Variants in NTM observed in about 807,000 individuals in gnomAD.
NTM encodes the protein IgLON family member 2.
Under a neutral mutation model 42.1 loss-of-function variants are expected in NTM, and 13 were observed. That is an observed-to-expected ratio of 0.31 (90% CI 0.20 to 0.49). The LOEUF is 0.49. NTM is among the 20% of genes least tolerant of loss of function. NTM has a pLI of 0.99. For missense variants in NTM, 373 were observed against 452.8 expected, an observed-to-expected ratio of 0.82 and a Z score of 1.60; for synonymous variants, 187 against 179.2, an observed-to-expected ratio of 1.04 and a Z score of -0.35.
intron 2 of NTM, among the ~76,000 whole-genome samples, chr11:132,057,067 T>C (rs1375354880): frequency 2.6e-5 from 4 of 152,194 alleles, no homozygotes; most frequent in Non-Finnish European, 5.9e-5. Flanking sequence ...AACATAGGTT[T>C]CATAAACTTA....
At chr11:132,191,421 C>A (rs1489676852) in intron 3 of NTM, among the ~76,000 whole-genome samples, 4 of 152,196 alleles carry the variant, frequency 2.6e-5, no homozygotes, top group Non-Finnish European at 2.9e-5. Context: ...ATCAGCTGAG[C>A]CTTGGCCCTC....
rs1168840265 is a variant in NTM at position 131,789,640 on chromosome 11, A to G, written c.83-121924A>G. Among the ~76,000 whole-genome samples the G allele has an allele frequency of 1.7e-4, 20 of 117,420 alleles. 1 individual carries two copies. The highest frequency in any genetic ancestry group is 3.4e-4 in the Admixed American group (3 of 8,766). 77.0% of individuals were successfully genotyped at this position (117,420 alleles called of 152,430 possible). ...AGAAGAAGAAGAAGAAGAAGAAAAGAAGAAGAAGAAGAAGAAGAAGAAGAA... is the reference window on the plus strand; with the variant it reads ...AGAAGAAGAAGAAGAAGAAGAAAAGGAGAAGAAGAAGAAGAAGAAGAAGAA... On this transcript the variant is annotated intron_variant, in intron 1 of 8. Coordinates refer to ENST00000683400, the MANE Select transcript of NTM (RefSeq NM_001352005.2).
chr11:132,306,375 G>A (rs902737209), intron 4 of NTM: 2 of 152,174 alleles, frequency 1.3e-5, no homozygotes, highest in Non-Finnish European at 2.9e-5. Context: ...ATGTCCCTTT[G>A]TTCCCTTTCT....
At chr11:131,752,252 A>G (rs959092384) in intron 1 of NTM, among the ~76,000 whole-genome samples, 10 of 152,256 alleles carry the variant, frequency 6.6e-5, no homozygotes, top group African/African-American at 2.2e-4. Context: ...ACTTCTCTAA[A>G]GAAGACATTT....
intron 1 of NTM, among the ~76,000 whole-genome samples, chr11:131,548,647 C>A (rs2054258124): frequency 6.6e-6 from 1 of 152,144 alleles, no homozygotes; most frequent in African/African-American, 2.4e-5. Flanking sequence ...AGAAAGACTG[C>A]CTGTGGGGAG....
intron 1 of NTM, among the ~76,000 whole-genome samples, chr11:131,602,519 C>T (rs954663295): frequency 1.3e-5 from 2 of 152,196 alleles, no homozygotes; most frequent in Non-Finnish European, 1.5e-5. Context: ...CCTGGCTTGA[C>T]AATCAGATAG....
At chr11:132,010,465 C>T (rs1157226283) in intron 2 of NTM, among the ~76,000 whole-genome samples, 1 of 152,188 alleles carries the variant, frequency 6.6e-6, no homozygotes, top group East Asian at 1.9e-4. Flanking sequence ...CTCCAGTCTG[C>T]TCGGACCTCT....
At chr11:131,852,192 C>T (rs1002375705) in intron 1 of NTM, among the ~76,000 whole-genome samples, 4 of 152,132 alleles carry the variant, frequency 2.6e-5, no homozygotes, top group Non-Finnish European at 5.9e-5. Flanking sequence ...TCAGTGTGTG[C>T]TTTGAAGCCT....
intron 2 of NTM, among the ~76,000 whole-genome samples, chr11:132,111,724 G>T (rs1003053687): frequency 4.6e-5 from 7 of 152,194 alleles, no homozygotes; most frequent in African/African-American, 1.7e-4. Context: ...TAAGTGCTAG[G>T]CTTCAGATTC....
intron 1 of NTM, chr11:131,535,872 A>G (rs1436543125): frequency 2.0e-5 from 3 of 152,222 alleles, no homozygotes; most frequent in Non-Finnish European, 2.9e-5. Context: ...ATAGAATGCT[A>G]CTGACTTACT....
chr11:131,554,279 T>C (rs1003807759), intron 1 of NTM, among the ~76,000 whole-genome samples: 2 of 152,244 alleles, frequency 1.3e-5, no homozygotes, highest in African/African-American at 4.8e-5. Context: ...TGAAACTTAT[T>C]GAACAAGCTG....
chr11:131,684,835 G>A (rs781417268), intron 1 of NTM, among the ~76,000 whole-genome samples: 7 of 152,232 alleles, frequency 4.6e-5, no homozygotes, highest in Non-Finnish European at 1.0e-4. Flanking sequence ...AGCTGTGTAG[G>A]ACAACGACAC....
chr11:131,530,645 C>T (rs1182540804), intron 1 of NTM, among the ~76,000 whole-genome samples: 1 of 152,140 alleles, frequency 6.6e-6, no homozygotes, highest in African/African-American at 2.4e-5. Context: ...AGCCTCAGCT[C>T]ATGTGGGGCA....
At chr11:131,429,713 G>C (rs1233009450) in intron 1 of NTM, among the ~76,000 whole-genome samples, 1 of 152,114 alleles carries the variant, frequency 6.6e-6, no homozygotes, top group Non-Finnish European at 1.5e-5. Flanking sequence ...GGTAAAGAAT[G>C]CATTTTTTTC....
At position 131,616,171 on chromosome 11, in the gene NTM, C is replaced by A. The variant is rs546784469; in HGVS notation, c.82+245283C>A. 7.2e-5 allele frequency among the ~76,000 whole-genome samples: 11 copies of A among 152,280 alleles called. No homozygotes were observed. The South Asian group carries it at 1.5e-3, about 20-fold the overall frequency. ...ACAAATAAGGGTTACAGGCTCTGTA[C>A]AGGGGACAGAGATGAAGGACAAATT... On this transcript the variant is annotated intron_variant, in intron 1 of 8. Coordinates refer to ENST00000683400, the MANE Select transcript of NTM (RefSeq NM_001352005.2).
In NTM at chr11:132,263,809, C is replaced by T. The variant is rs562133905; in HGVS notation, c.527-43880C>T. ...AGCAAAGCTCTTTGCAATTTTACAA[C>T]AAGGATTACCTTTCCTCCAGTTTCT... On this transcript the variant is annotated intron_variant, in intron 4 of 8. Coordinates refer to ENST00000683400, the MANE Select transcript of NTM (RefSeq NM_001352005.2). Among the ~76,000 whole-genome samples, 105 of 152,322 alleles carry T rather than the reference C, an allele frequency of 6.9e-4. 1 individual carries two copies. Among genetic ancestry groups the T allele is most frequent in the Non-Finnish European group, 1.3e-3 (88 of 68,026 alleles).
intron 1 of NTM, among the ~76,000 whole-genome samples, chr11:131,817,309 C>T (rs1565588486): frequency 6.6e-6 from 1 of 152,084 alleles, no homozygotes; most frequent in African/African-American, 2.4e-5. Flanking sequence ...GGGCATATAC[C>T]TGACATTTAA....
intron 1 of NTM, among the ~76,000 whole-genome samples, chr11:131,433,846 C>T (rs572892662): frequency 2.6e-5 from 4 of 152,252 alleles, no homozygotes; most frequent in African/African-American, 9.6e-5. Flanking sequence ...ATGTGCACAA[C>T]GTGCAGGTTG....
At chr11:131,704,274 A>C (rs1195669362) in intron 1 of NTM, among the ~76,000 whole-genome samples, 1 of 152,170 alleles carries the variant, frequency 6.6e-6, no homozygotes, top group Admixed American at 6.5e-5. Context: ...CTGTGGATGC[A>C]AGCCCGAGGC....
Sources: gnomAD v4.1 joint callset for allele counts (sites outside exome capture counted in the v4.1 genomes callset) on GRCh38, gnomAD v4.1.1 for gene constraint, MANE v1.5 for transcripts, NCBI Gene and HGNC (gene_info 2026-07-23, HGNC 2026-07-21) for gene names.